NTN1: variants seen among roughly 807,000 people sequenced by gnomAD.
NTN1 encodes netrin 1.
Under a neutral mutation model 54.2 loss-of-function variants are expected in NTN1, and 11 were observed. The observed-to-expected ratio is 0.20, with a 90% CI of 0.13 to 0.34. NTN1 has a LOEUF of 0.34. NTN1 is among the 10% of genes least tolerant of loss of function. The probability of loss-of-function intolerance (pLI) is 1.00; values close to 1 mark genes in which losing one functional copy is unlikely to be tolerated. For missense variants in NTN1, 740 were observed against 893.1 expected, an observed-to-expected ratio of 0.83 and a Z score of 2.18; for synonymous variants, 371 against 382.0, an observed-to-expected ratio of 0.97 and a Z score of 0.33.
intron 5 of NTN1, chr17:9,183,663 G>A (rs1488207998): frequency 9.3e-6 from 2 of 215,240 alleles, no homozygotes; most frequent in East Asian, 1.5e-4. Flanking sequence ...AAGCACTCGC[G>A]TAACGTAACC....
chr17:9,061,364 G>A (rs1307516776), intron 2 of NTN1, among the ~76,000 whole-genome samples: 2 of 152,188 alleles, frequency 1.3e-5, no homozygotes, highest in African/African-American at 4.8e-5. Context: ...GGCCTTTCTA[G>A]AGAACATGTG....
At chr17:9,227,998 C>T (rs1417486077) in intron 6 of NTN1, among the ~76,000 whole-genome samples, 1 of 152,190 alleles carries the variant, frequency 6.6e-6, no homozygotes, top group Non-Finnish European at 1.5e-5. Flanking sequence ...GCCTCCCCTC[C>T]ACACTCGTTC....
intron 2 of NTN1, among the ~76,000 whole-genome samples, chr17:9,053,933 C>A (rs1292265980): frequency 6.6e-6 from 1 of 152,180 alleles, no homozygotes; most frequent in East Asian, 1.9e-4. Flanking sequence ...AGGTCAGGCA[C>A]GTAGTCCCCC....
chr17:9,175,933 A>G, intron 3 of NTN1: 1 of 152,296 alleles, frequency 6.6e-6, no homozygotes, highest in East Asian at 1.9e-4. Flanking sequence ...GTGACCTGCC[A>G]TGGAAGGGAT....
At chr17:9,110,791 C>T (rs1297677739) in intron 2 of NTN1, among the ~76,000 whole-genome samples, 4 of 152,160 alleles carry the variant, frequency 2.6e-5, no homozygotes, top group African/African-American at 9.7e-5. Flanking sequence ...TGCTGGCAAC[C>T]CGTAGCATTC....
chr17:9,155,346 G>T (rs1441675579), intron 2 of NTN1, among the ~76,000 whole-genome samples: 4 of 142,830 alleles, frequency 2.8e-5, no homozygotes, highest in African/African-American at 5.2e-5. Flanking sequence ...TTTCTTTTTT[G>T]TTTTTTTTTT....
intron 2 of NTN1, among the ~76,000 whole-genome samples, chr17:9,076,233 G>T (rs78292040): frequency 6.6e-6 from 1 of 152,256 alleles, no homozygotes; most frequent in East Asian, 1.9e-4. Flanking sequence ...CCACCCAGGT[G>T]GGGAGGGTCT....
chr17:9,184,223 A>G (rs2092426825), intron 5 of NTN1, among the ~76,000 whole-genome samples: 1 of 152,222 alleles, frequency 6.6e-6, no homozygotes, highest in African/African-American at 2.4e-5. Context: ...CGTTTCAGGG[A>G]GTGCCAGAGG....
intron 2 of NTN1, among the ~76,000 whole-genome samples, chr17:9,089,200 T>C (rs2142231222): frequency 6.6e-6 from 1 of 152,066 alleles, no homozygotes; most frequent in Middle Eastern, 3.4e-3. Flanking sequence ...ATCACCCGAG[T>C]TCAGGAGTTC....
At chr17:9,190,841 G>T (rs920419304) in intron 5 of NTN1, among the ~76,000 whole-genome samples, 2 of 151,782 alleles carry the variant, frequency 1.3e-5, no homozygotes, top group Non-Finnish European at 2.9e-5. Context: ...AACAGAGCAG[G>T]ACTGTGTCTG....
intron 2 of NTN1, among the ~76,000 whole-genome samples, chr17:9,074,181 C>T (rs1200292903): frequency 4.6e-5 from 7 of 152,242 alleles, no homozygotes; most frequent in African/African-American, 9.6e-5. Context: ...CGAACCAGTG[C>T]GGGAGGGAAG....
At chr17:9,059,852 C>A (rs556834222) in intron 2 of NTN1, among the ~76,000 whole-genome samples, 1 of 147,606 alleles carries the variant, frequency 6.8e-6, no homozygotes, top group East Asian at 2.0e-4. Flanking sequence ...AAAAAAGACC[C>A]TTGCAGATGG....
chr17:9,203,675 C>T (rs954628410), intron 5 of NTN1, among the ~76,000 whole-genome samples: 5 of 151,952 alleles, frequency 3.3e-5, no homozygotes, highest in East Asian at 3.9e-4. Flanking sequence ...TGGTGGTGGG[C>T]GCCTGTAATC....
intron 5 of NTN1, among the ~76,000 whole-genome samples, chr17:9,197,064 A>G (rs751478796): frequency 1.3e-5 from 2 of 151,800 alleles, no homozygotes; most frequent in African/African-American, 4.8e-5. Flanking sequence ...CCAGAGAGCC[A>G]GTTGTCAGAC....
intron 2 of NTN1, among the ~76,000 whole-genome samples, chr17:9,037,511 A>G (rs1043943461): frequency 6.6e-6 from 1 of 152,186 alleles, no homozygotes; most frequent in African/African-American, 2.4e-5. Context: ...CAGACATTCT[A>G]GAGGTATCAC....
intron 5 of NTN1, among the ~76,000 whole-genome samples, chr17:9,198,004 T>C (rs1289255422): frequency 1.3e-5 from 2 of 152,230 alleles, no homozygotes; most frequent in Non-Finnish European, 2.9e-5. Context: ...TTGAGGCTAG[T>C]TGATGGCTGT....
chr17:9,055,472 C>T (rs190630616), intron 2 of NTN1, among the ~76,000 whole-genome samples: 8 of 152,268 alleles, frequency 5.3e-5, no homozygotes, highest in Admixed American at 3.9e-4. Flanking sequence ...AGACAAGGCA[C>T]CAGGTGAGGC....
chr17:9,222,185 G>A (rs1905381535), intron 6 of NTN1, among the ~76,000 whole-genome samples: 1 of 152,182 alleles, frequency 6.6e-6, no homozygotes, highest in Admixed American at 6.5e-5. Flanking sequence ...CCTGGGGCTG[G>A]CCCCCCAATT....
At chr17:9,136,656 A>G (rs1427402091) in intron 2 of NTN1, among the ~76,000 whole-genome samples, 1 of 152,236 alleles carries the variant, frequency 6.6e-6, no homozygotes, top group Non-Finnish European at 1.5e-5. Flanking sequence ...TCCTAGCTTT[A>G]TCAGATTGTA....
Sources: allele counts gnomAD v4.1 joint callset (sites outside exome capture counted in the v4.1 genomes callset), GRCh38; gene constraint gnomAD v4.1.1; transcripts MANE v1.5; gene names NCBI Gene and HGNC (gene_info 2026-07-23, HGNC 2026-07-21).